Variants in SEMA3A observed in about 807,000 individuals in gnomAD.
SEMA3A encodes semaphorin 3A.
A neutral mutation model predicts 97.9 loss-of-function variants in SEMA3A; 29 were observed. The observed-to-expected ratio is 0.30, with a 90% CI of 0.22 to 0.40. SEMA3A has a LOEUF of 0.40. Ranked by LOEUF, SEMA3A falls within the 10% of genes least tolerant of loss-of-function variation. The pLI, the probability that SEMA3A is intolerant of heterozygous loss-of-function variation, is 1.00. For synonymous variants in SEMA3A, 321 were observed against 323.7 expected, an observed-to-expected ratio of 0.99 and a Z score of 0.09; for missense variants, 763 against 951.3, an observed-to-expected ratio of 0.80 and a Z score of 2.60.
In SEMA3A at chr7:84,340,133, G is replaced by T. The variant is rs1802127898; in HGVS notation, c.-169+31691C>A. ...ACTATTTAACTCCTATAAAGAAAAA[G>T]AAATAGTTAATATACTTTTACAATT... On this transcript the variant is annotated intron_variant, in intron 2 of 3. Transcript: ENST00000424555. Among the ~76,000 whole-genome samples, 7 of 152,108 alleles carry T rather than the reference G, an allele frequency of 4.6e-5. No homozygotes were observed. The South Asian group carries it at 1.5e-3, about 32-fold the overall frequency.
At chr7:84,085,450 C>T (rs1794302391) in intron 4 of SEMA3A, among the ~76,000 whole-genome samples, 1 of 151,504 alleles carries the variant, frequency 6.6e-6, no homozygotes, top group African/African-American at 2.4e-5. Flanking sequence ...TGAGTGAACA[C>T]ATATGGAAGT....
intron 7 of SEMA3A, among the ~76,000 whole-genome samples, chr7:84,012,655 C>T (rs534113263): frequency 1.9e-4 from 29 of 152,208 alleles, no homozygotes; most frequent in Non-Finnish European, 3.4e-4. Flanking sequence ...ACAAACAACA[C>T]GTTGAGAAAA....
At chr7:84,162,562 G>C (rs1470942420) in intron 1 of SEMA3A, among the ~76,000 whole-genome samples, 1 of 151,688 alleles carries the variant, frequency 6.6e-6, no homozygotes, top group Non-Finnish European at 1.5e-5. Context: ...GTATTAATTT[G>C]TCTTTTGGCT....
chr7:84,360,057 C>A (rs1185401826), intron 2 of SEMA3A, among the ~76,000 whole-genome samples: 1 of 151,242 alleles, frequency 6.6e-6, no homozygotes, highest in Non-Finnish European at 1.5e-5. Flanking sequence ...TGCTAGTGGT[C>A]TATCAATTTT....
In SEMA3A at chr7:84,285,438, T is replaced by C. The variant is rs1434915693; in HGVS notation, c.-83+21769A>G. Among the ~76,000 whole-genome samples, 4 of 152,322 alleles carry C rather than the reference T, an allele frequency of 2.6e-5. 1 individual carries two copies. The South Asian group carries it at 6.2e-4, about 24-fold the overall frequency. On this transcript the variant is annotated intron_variant, in intron 3 of 3. Transcript: ENST00000424555. Reference sequence around the variant, plus strand: ...ATTTAATTTTTAAAACATGCAGTTATGGCAGTAGGAATTAATAAATCTCTA... The same window carrying C: ...ATTTAATTTTTAAAACATGCAGTTACGGCAGTAGGAATTAATAAATCTCTA...
chr7:84,407,551 T>C (rs1239960390), intron 1 of SEMA3A, among the ~76,000 whole-genome samples: 1 of 151,288 alleles, frequency 6.6e-6, no homozygotes, highest in Non-Finnish European at 1.5e-5. Context: ...TACTTTAAAG[T>C]TCATATGGAA....
At chr7:84,375,165 AC>A (rs1157088502) in intron 1 of SEMA3A, among the ~76,000 whole-genome samples, 2 of 151,894 alleles carry the variant, frequency 1.3e-5, no homozygotes, top group African/African-American at 4.8e-5. Flanking sequence ...GATTACAGGC[AC>A]CCGCCAACAC....
chr7:84,353,228 G>A (rs939895885), intron 2 of SEMA3A, among the ~76,000 whole-genome samples: 1 of 151,542 alleles, frequency 6.6e-6, no homozygotes, highest in Non-Finnish European at 1.5e-5. Flanking sequence ...CCAATTTTTT[G>A]GTCCCGAAGT....
At chr7:84,236,947 T>C (rs1384247041) in intron 3 of SEMA3A, among the ~76,000 whole-genome samples, 2 of 152,040 alleles carry the variant, frequency 1.3e-5, no homozygotes. Flanking sequence ...AAAATGGCAG[T>C]AAGTGATATA....
intron 3 of SEMA3A, 116 bp downstream of exon 3, chr7:84,129,007 A>T: frequency 1.4e-6 from 1 of 739,446 alleles, no homozygotes; most frequent in Non-Finnish European, 2.3e-6. Context: ...ATATGAAAAG[A>T]TTCTAACCCC....
intron 3 of SEMA3A, among the ~76,000 whole-genome samples, chr7:84,219,223 C>T (rs916447798): frequency 5.3e-5 from 8 of 152,054 alleles, no homozygotes; most frequent in Non-Finnish European, 8.8e-5. Context: ...ATTTTATATT[C>T]TCACCTCACT....
At chr7:84,237,565 T>A (rs988172390) in intron 3 of SEMA3A, among the ~76,000 whole-genome samples, 2 of 152,156 alleles carry the variant, frequency 1.3e-5, no homozygotes, top group Non-Finnish European at 2.9e-5. Flanking sequence ...GTTTACATTA[T>A]CATCTCTTAT....
At chr7:84,313,346 A>ATGTG (rs372160973) in intron 2 of SEMA3A, among the ~76,000 whole-genome samples, 11 of 33,212 alleles carry the variant, frequency 3.3e-4, no homozygotes, top group South Asian at 1.0e-3. Flanking sequence ...ATATATGTAT[A>ATGTG]TGTGTGTGTG....
intron 3 of SEMA3A, among the ~76,000 whole-genome samples, chr7:84,282,939 G>C (rs1450759673): frequency 6.6e-6 from 1 of 152,092 alleles, no homozygotes; most frequent in South Asian, 2.1e-4. Flanking sequence ...GCTTGAACCT[G>C]GAAGGTGGAG....
In SEMA3A at chr7:84,046,318, A is replaced by G; in HGVS notation, c.667+6T>C. 1 of 1,612,456 alleles carries G rather than the reference A, an allele frequency of 6.2e-7. No homozygotes were observed. Among genetic ancestry groups the G allele is most frequent in the East Asian group, 2.2e-5 (1 of 44,854 alleles). On this transcript the variant is annotated splice_donor_region_variant and intron_variant, in intron 6 of 16. Transcript: ENST00000265362. Reference sequence around the variant, plus strand: ...ACATGTCTATGTTCTTTCATAAACCACCTACCATTGAGCCACCTGGAATCA... The same window carrying G: ...ACATGTCTATGTTCTTTCATAAACCGCCTACCATTGAGCCACCTGGAATCA...
chr7:84,012,703 A>C (rs1790931126), intron 7 of SEMA3A, among the ~76,000 whole-genome samples: 1 of 152,202 alleles, frequency 6.6e-6, no homozygotes, highest in Non-Finnish European at 1.5e-5. Flanking sequence ...CTCATTCCAG[A>C]GAACACATTT....
chr7:84,488,137 GT>G (rs929433428), intron 1 of SEMA3A, among the ~76,000 whole-genome samples: 36 of 152,010 alleles, frequency 2.4e-4, no homozygotes, highest in Middle Eastern at 6.8e-3. Context: ...AAAGATATAA[GT>G]TTTTTTGTCA....
chr7:84,181,319 AAT>A (rs56661080), intron 1 of SEMA3A, among the ~76,000 whole-genome samples: 19,203 of 144,658 alleles, frequency 0.13, 1,306 homozygotes, highest in African/African-American at 0.17. Flanking sequence ...TAATGTTACA[AAT>A]ATATATATAT....
intron 2 of SEMA3A, among the ~76,000 whole-genome samples, chr7:84,317,569 T>G (rs2115894244): frequency 6.6e-6 from 1 of 152,306 alleles, no homozygotes; most frequent in Admixed American, 6.5e-5. Flanking sequence ...CAGCTTAAAA[T>G]ATTAAAAACA....
Sources: gnomAD v4.1 joint callset for allele counts (sites outside exome capture counted in the v4.1 genomes callset) on GRCh38, gnomAD v4.1.1 for gene constraint, MANE v1.5 for transcripts, NCBI Gene and HGNC (gene_info 2026-07-23, HGNC 2026-07-21) for gene names.